EXPH5: variants seen among roughly 807,000 people sequenced by gnomAD.
EXPH5 encodes the protein exophilin 5.
In EXPH5, 42 loss-of-function variants were observed where a neutral mutation model predicts 41.1. The ratio of observed to expected loss-of-function variants is 1.02; its 90% CI spans 0.80 to 1.32. EXPH5 has a LOEUF of 1.32. Among genes scored for constraint, EXPH5 ranks in the 40% most tolerant of loss-of-function variants. The probability of loss-of-function intolerance (pLI) is 0.00; values close to 1 mark genes in which losing one functional copy is unlikely to be tolerated. For synonymous variants in EXPH5, 798 were observed against 833.5 expected (o/e 0.96, Z 0.73); for missense variants, 2,298 against 2,314.5 (o/e 0.99, Z 0.15).
the EXPH5 span, among the ~76,000 whole-genome samples, chr11:108,606,145 C>T: frequency 2.2e-4 from 34 of 152,290 alleles, no homozygotes; most frequent in South Asian, 1.0e-3. Flanking sequence ...CCTCCCTCCT[C>T]GGCCTCCCAA....
the EXPH5 span, among the ~76,000 whole-genome samples, chr11:108,606,280 C>T: frequency 1.3e-5 from 2 of 152,214 alleles, no homozygotes; most frequent in Non-Finnish European, 2.9e-5. Flanking sequence ...CCACACCAGT[C>T]CCTGTCAGGC....
At chr11:108,546,450 A>T (rs1402373423) in intron 1 of EXPH5, among the ~76,000 whole-genome samples, 1 of 152,150 alleles carries the variant, frequency 6.6e-6, no homozygotes, top group Non-Finnish European at 1.5e-5. Context: ...AGGGTGACTT[A>T]AGGTGAAAAG....
intron 1 of EXPH5, among the ~76,000 whole-genome samples, chr11:108,571,341 GA>G (rs2094059279): frequency 6.6e-6 from 1 of 152,226 alleles, no homozygotes; most frequent in Admixed American, 6.5e-5. Flanking sequence ...TTGGTGGAGT[GA>G]GGAGGGGTGT....
At chr11:108,559,765 A>G (rs1360151930) in intron 1 of EXPH5, among the ~76,000 whole-genome samples, 2 of 152,246 alleles carry the variant, frequency 1.3e-5, no homozygotes, top group Admixed American at 6.5e-5. Context: ...AGAGCAGCCT[A>G]TGCTATTTCA....
chr11:108,532,366 A>ATATATATATATT (rs1555192606), intron 3 of EXPH5, among the ~76,000 whole-genome samples: 1 of 32,140 alleles, frequency 3.1e-5, no homozygotes, highest in Non-Finnish European at 4.6e-5. Context: ...ATATATATAT[A>ATATATATATATT]TTTTTTTTTT....
chr11:108,540,045 C>G (rs947738705), intron 2 of EXPH5, among the ~76,000 whole-genome samples: 4 of 152,154 alleles, frequency 2.6e-5, no homozygotes, highest in Admixed American at 6.6e-5. Context: ...TGGCCAGGCA[C>G]GGTAGCTCAC....
At chr11:108,595,364 T>A (rs2094137332), upstream of EXPH5, among the ~76,000 whole-genome samples, 1 of 152,178 alleles carries the variant, frequency 6.6e-6, no homozygotes, top group Non-Finnish European at 1.5e-5. Context: ...GGTATTTAGG[T>A]TGCTGCATGA....
chr11:108,579,486 T>G (rs1286010385), intron 1 of EXPH5, among the ~76,000 whole-genome samples: 1 of 151,964 alleles, frequency 6.6e-6, no homozygotes. Flanking sequence ...ACTGTGTCTT[T>G]GTCTGGTTTT....
Position 108,513,638 on chromosome 11 carries a change from T to C in EXPH5, c.1869A>G (p.Leu623=), listed in dbSNP as rs2093700033. Residue 623 remains leucine, a synonymous_variant, in exon 6 of 6, where the codon CTA becomes CTG. Coordinates refer to ENST00000265843, the MANE Select transcript of EXPH5 (RefSeq NM_015065.3). ...AAAAGGAAGTTTTGAATGAGGATGC[T>C]AGAGTCTGAGCAATTCCAAATGAGG... ...EASSFGIAQT[L]ASSFKTSFSQ... 6.2e-7 allele frequency: 1 copy of C among 1,612,722 alleles called. No homozygotes were observed. The highest frequency in any genetic ancestry group is 1.3e-5 in the African/African-American group (1 of 74,860).
rs199592015 is a variant in EXPH5 at position 108,512,402 on chromosome 11, C to G, written c.3105G>C (p.Gln1035His). ...KSSSFLIHGR[Q>H]SGSKIMAASL... is the part of the protein sequence containing the mutation. ...AAGCAGCCATTATTTTACTTCCTGA[C>G]TGCCTGCCATGTATGAGAAAACTGC... is the stretch of plus-strand genomic sequence containing the variant. The change falls in exon 6 of 6, where the codon CAG becomes CAC. Residue 1035 changes from glutamine (Q) to histidine (H), a missense_variant. Gln to His is a conservative substitution (Grantham distance 24, BLOSUM62 0). Coordinates refer to ENST00000265843, the MANE Select transcript of EXPH5 (RefSeq NM_015065.3). 1 of 1,609,914 alleles carries G rather than the reference C, an allele frequency of 6.2e-7. No individual in the cohort carries two copies. Among genetic ancestry groups the G allele is most frequent in the East Asian group, 2.2e-5 (1 of 44,876 alleles).
rs368588746 is a variant in EXPH5 at position 108,510,865 on chromosome 11, T to C, written c.4642A>G (p.Asn1548Asp). 216 of 1,614,116 alleles carry C rather than the reference T, an allele frequency of 1.3e-4. No homozygotes were observed. The highest frequency in any genetic ancestry group is 3.5e-4 in the Admixed American group (21 of 59,998). ...RELPQRSQEA[N>D]MTESRKAEDE... ...TCAGCCTTCCTGCTCTCTGTCATATTTGCCTCCTGACTTCTTTGAGGTAAT... is the reference window on the plus strand; with the variant it reads ...TCAGCCTTCCTGCTCTCTGTCATATCTGCCTCCTGACTTCTTTGAGGTAAT... Residue 1548 changes from asparagine (N) to aspartate (D), a missense_variant, in exon 6 of 6, where the codon AAT (asparagine) becomes GAT (aspartate). Physicochemically the swap from Asn to Asp is conservative, Grantham distance 23. Transcript: ENST00000265843.
chr11:108,572,050 C>A (rs200857138), intron 1 of EXPH5, among the ~76,000 whole-genome samples: 146 of 140,504 alleles, frequency 1.0e-3, no homozygotes, highest in Admixed American at 9.9e-4. Context: ...ACTCTGTCTC[C>A]AAAAAAAAAA....
chr11:108,604,761 G>A, the EXPH5 span, among the ~76,000 whole-genome samples: 2 of 152,082 alleles, frequency 1.3e-5, no homozygotes, highest in Non-Finnish European at 2.9e-5. Context: ...CAGGGTCAAA[G>A]GGAAGAAGAC....
intron 1 of EXPH5, among the ~76,000 whole-genome samples, chr11:108,555,152 G>A (rs1310643346): frequency 1.3e-5 from 2 of 152,174 alleles, no homozygotes; most frequent in Admixed American, 6.5e-5. Flanking sequence ...GCAAGGCTCC[G>A]CCTGTCATCA....
rs1268716092 is a variant in EXPH5, at chr11:108,593,677, C to G, written c.-141G>C. On this transcript the variant is annotated 5_prime_UTR_variant, in exon 1 of 6. Transcript: ENST00000265843. ...CCGCCCCTTTGAAAGTCTAAAACCACAAACCTAGGGAACGCCCACACCTGA... is the reference window on the plus strand; with the variant it reads ...CCGCCCCTTTGAAAGTCTAAAACCAGAAACCTAGGGAACGCCCACACCTGA... 15 of 1,559,790 alleles carry G rather than the reference C, an allele frequency of 9.6e-6. No individual in the cohort carries two copies. The highest frequency in any genetic ancestry group is 3.4e-5 in the South Asian group (3 of 87,040).
upstream of EXPH5, among the ~76,000 whole-genome samples, chr11:108,595,235 T>C (rs1429766096): frequency 6.6e-6 from 1 of 152,114 alleles, no homozygotes; most frequent in Non-Finnish European, 1.5e-5. Flanking sequence ...TGTAATCCAG[T>C]GGGAGAGATA....
At chr11:108,605,253 A>G in the EXPH5 span, among the ~76,000 whole-genome samples, 83,134 of 151,912 alleles carry the variant, frequency 0.55, 24,013 homozygotes, top group East Asian at 0.66. Context: ...AAAAGCAGTG[A>G]CCCTTCTGCT....
At chr11:108,568,292 G>A (rs527394429) in intron 1 of EXPH5, among the ~76,000 whole-genome samples, 4 of 152,028 alleles carry the variant, frequency 2.6e-5, no homozygotes, top group African/African-American at 4.8e-5. Context: ...GACCAGGCAC[G>A]CGGGTTCCTC....
chr11:108,584,279 C>T (rs2094107119), intron 1 of EXPH5, among the ~76,000 whole-genome samples: 1 of 152,008 alleles, frequency 6.6e-6, no homozygotes, highest in South Asian at 2.1e-4. Context: ...AGTTTGACAC[C>T]AGCTTGGCCA....
Sources: allele counts gnomAD v4.1 joint callset (sites outside exome capture counted in the v4.1 genomes callset), GRCh38; gene constraint gnomAD v4.1.1; transcripts MANE v1.5; gene names NCBI Gene and HGNC (gene_info 2026-07-23, HGNC 2026-07-21).